Variants in GALNT10 observed in about 807,000 individuals in gnomAD.
GALNT10 encodes polypeptide N-acetylgalactosaminyltransferase 10, also known as GalNAc transferase 10.
A neutral mutation model predicts 75.0 loss-of-function variants in GALNT10; 41 were observed. The observed-to-expected ratio is 0.55, with a 90% CI of 0.43 to 0.71. The LOEUF is 0.71. Among genes scored for constraint, GALNT10 ranks in the 30% least tolerant of loss-of-function variants. GALNT10 has a pLI of 0.00. For missense variants in GALNT10, 727 were observed against 818.5 expected (o/e 0.89, Z 1.36); for synonymous variants, 302 against 313.0 (o/e 0.96, Z 0.37).
chr5:154,283,364 G>A (rs1487272150), intron 1 of GALNT10, among the ~76,000 whole-genome samples: 1 of 151,286 alleles, frequency 6.6e-6, no homozygotes, highest in Non-Finnish European at 1.5e-5. Context: ...CAGGAGGATT[G>A]CTTGAGCCCA....
chr5:154,380,726 A>G (rs1402029087), intron 6 of GALNT10, 95 bp downstream of exon 6: 9 of 798,244 alleles, frequency 1.1e-5, no homozygotes, highest in Non-Finnish European at 1.8e-5. Flanking sequence ...TTAAAAGCCC[A>G]ATGCAGAGGG....
At position 154,288,496 on chromosome 5, in the gene GALNT10, C is replaced by T. The variant is rs115208892; in HGVS notation, c.160-6320C>T. Among the ~76,000 whole-genome samples the T allele has an allele frequency of 9.1e-3, 1,385 of 151,494 alleles. 22 individuals carry two copies. Among genetic ancestry groups the T allele is most frequent in the African/African-American group, 0.032 (1,308 of 41,192 alleles). ...AATGTTAAGTAAAAGCATGCAGATA[C>T]CAGAAGCAGTTATTTAGAGCAGCCA... On this transcript the variant is annotated intron_variant, in intron 1 of 11. Transcript: ENST00000297107.
intron 4 of GALNT10, among the ~76,000 whole-genome samples, chr5:154,347,789 A>G (rs1261491325): frequency 2.0e-5 from 3 of 152,256 alleles, no homozygotes; most frequent in African/African-American, 7.2e-5. Context: ...ACCTATAAGG[A>G]GAAGGAATGA....
intron 1 of GALNT10, among the ~76,000 whole-genome samples, chr5:154,293,594 G>GATAT (rs754824803): frequency 8.5e-5 from 12 of 140,728 alleles, no homozygotes; most frequent in South Asian, 6.5e-4. Context: ...TCTTGGGGCT[G>GATAT]ATATATATAT....
At chr5:154,364,234 G>C (rs1424950339) in intron 4 of GALNT10, among the ~76,000 whole-genome samples, 1 of 152,190 alleles carries the variant, frequency 6.6e-6, no homozygotes, top group African/African-American at 2.4e-5. Flanking sequence ...CCAGGGGCAG[G>C]GCTGAGATGA....
At chr5:154,297,542 A>T (rs886221781) in intron 2 of GALNT10, among the ~76,000 whole-genome samples, 2 of 152,192 alleles carry the variant, frequency 1.3e-5, no homozygotes, top group African/African-American at 4.8e-5. Flanking sequence ...TTGGCCCAAG[A>T]TTGATCAGCT....
chr5:154,392,897 T>C (rs1232591212), intron 7 of GALNT10: 2 of 151,908 alleles, frequency 1.3e-5, no homozygotes, highest in Admixed American at 1.3e-4. Context: ...GCCCAGGAGT[T>C]TATATAAGAG....
At position 154,253,898 on chromosome 5, in the gene GALNT10, C is replaced by A. The variant is rs1753567779; in HGVS notation, c.160-40918C>A. Among the ~76,000 whole-genome samples the A allele has an allele frequency of 2.0e-5, 3 of 152,026 alleles. No homozygotes were observed. The South Asian group carries it at 6.2e-4, about 32-fold the overall frequency. ...CTACCTCAGTGCAGGTCTTGATCCGCCCTAGAAGATCAGCTTTAAGAGTTC... is the reference window on the plus strand; with the variant it reads ...CTACCTCAGTGCAGGTCTTGATCCGACCTAGAAGATCAGCTTTAAGAGTTC... On this transcript the variant is annotated intron_variant, in intron 1 of 11. Transcript: ENST00000297107.
intron 1 of GALNT10, among the ~76,000 whole-genome samples, chr5:154,242,585 G>T (rs1277999875): frequency 6.6e-6 from 1 of 152,168 alleles, no homozygotes; most frequent in Non-Finnish European, 1.5e-5. Context: ...CAGTGGCCAG[G>T]CAAAAGCTCC....
In GALNT10 at chr5:154,389,763, A is replaced by T. The variant is rs185864712; in HGVS notation, c.1056+3333A>T. Among the ~76,000 whole-genome samples the T allele has an allele frequency of 7.8e-4, 118 of 152,184 alleles. 1 individual carries two copies. Among genetic ancestry groups the T allele is most frequent in the East Asian group, 3.9e-4 (2 of 5,186 alleles). On this transcript the variant is annotated intron_variant, in intron 7 of 11. Coordinates refer to ENST00000297107, the MANE Select transcript of GALNT10 (RefSeq NM_198321.4). ...ATAAGTATAAAAAATAATACAATTA[A>T]AAGTATACAAATATATATTCCAATT...
At chr5:154,293,889 A>G (rs1581959858) in intron 1 of GALNT10, among the ~76,000 whole-genome samples, 1 of 152,022 alleles carries the variant, frequency 6.6e-6, no homozygotes, top group Non-Finnish European at 1.5e-5. Flanking sequence ...TCCATGAAAC[A>G]TTCTCCATTT....
chr5:154,191,407 T>C (rs1210585165), intron 1 of GALNT10, among the ~76,000 whole-genome samples: 5 of 149,954 alleles, frequency 3.3e-5, no homozygotes, highest in Non-Finnish European at 5.9e-5. Flanking sequence ...CTATTTGGTG[T>C]CCAGGTCCTC....
chr5:154,348,917 C>T (rs1755167154), intron 4 of GALNT10, among the ~76,000 whole-genome samples: 1 of 152,106 alleles, frequency 6.6e-6, no homozygotes, highest in African/African-American at 2.4e-5. Context: ...GTGTCTGTCC[C>T]TAGAAGGCTT....
chr5:154,397,126 CAAA>C (rs58303911), intron 7 of GALNT10, among the ~76,000 whole-genome samples: 27,406 of 126,136 alleles, frequency 0.22, 4,100 homozygotes, highest in African/African-American at 0.44. Flanking sequence ...GACTCCGTCT[CAAA>C]AAAAAAAAAA....
chr5:154,296,262 A>G (rs1754270169), intron 2 of GALNT10, among the ~76,000 whole-genome samples: 1 of 151,972 alleles, frequency 6.6e-6, no homozygotes, highest in South Asian at 2.1e-4. Context: ...AATTTTTGTA[A>G]TTTTTGTATT....
chr5:154,348,985 T>A (rs572079868), intron 4 of GALNT10, among the ~76,000 whole-genome samples: 1 of 152,220 alleles, frequency 6.6e-6, no homozygotes, highest in Admixed American at 6.5e-5. Context: ...AGTTATTAGT[T>A]TTTCAAGTAT....
At position 154,419,282 on chromosome 5, in the gene GALNT10, C is replaced by T. The variant is rs910468873; in HGVS notation, c.*2310C>T. Reference sequence around the variant, plus strand: ...GCTGGGCAGTGCGTTTAGTCTGTGGCCTAGAAGACCTCATCAGCCCCCGAG... The same window carrying T: ...GCTGGGCAGTGCGTTTAGTCTGTGGTCTAGAAGACCTCATCAGCCCCCGAG... On this transcript the variant is annotated 3_prime_UTR_variant, in exon 12 of 12. Transcript: ENST00000297107. 2 of 152,138 alleles carry T rather than the reference C, an allele frequency of 1.3e-5. No homozygotes were observed. The highest frequency in any genetic ancestry group is 4.8e-5 in the African/African-American group (2 of 41,414). 9.4% of individuals were successfully genotyped at this position (152,138 alleles called of 1,614,324 possible).
At chr5:154,321,501 T>A (rs541179562) in intron 3 of GALNT10, among the ~76,000 whole-genome samples, 35 of 152,170 alleles carry the variant, frequency 2.3e-4, no homozygotes, top group African/African-American at 8.2e-4. Flanking sequence ...TTGTTTTTTT[T>A]ATTTTTGTAG....
At chr5:154,331,338 G>C (rs1376970702) in intron 4 of GALNT10, among the ~76,000 whole-genome samples, 1 of 152,172 alleles carries the variant, frequency 6.6e-6, no homozygotes, top group East Asian at 1.9e-4. Context: ...TGAGCCTGCT[G>C]GTGGTGGGGG....
Sources: gnomAD v4.1 joint callset for allele counts (sites outside exome capture counted in the v4.1 genomes callset) on GRCh38, gnomAD v4.1.1 for gene constraint, MANE v1.5 for transcripts, NCBI Gene and HGNC (gene_info 2026-07-23, HGNC 2026-07-21) for gene names.